The following SYT16 variants were observed in gnomAD, a reference collection of about 807,000 sequenced individuals.
The protein encoded by SYT16 is synaptotagmin 16, also known as synaptotagmin-16.
SYT16 carries 42 observed loss-of-function variants against 61.4 expected under a neutral mutation model. The observed-to-expected ratio is 0.68, with a 90% CI of 0.53 to 0.89. The LOEUF is 0.89. Among genes scored for constraint, SYT16 ranks in the 40% least tolerant of loss-of-function variants. The probability of loss-of-function intolerance (pLI) is 0.00; values close to 1 mark genes in which losing one functional copy is unlikely to be tolerated. For missense variants in SYT16, 804 were observed against 807.3 expected (o/e 1.00, Z 0.05); for synonymous variants, 314 against 302.3 (o/e 1.04, Z -0.40).
intron 1 of SYT16, among the ~76,000 whole-genome samples, chr14:61,869,585 A>G (rs1230607421): frequency 2.6e-5 from 4 of 152,106 alleles, no homozygotes; most frequent in Non-Finnish European, 5.9e-5. Context: ...TTACTGCCAC[A>G]TATGTTATAC....
At chr14:61,988,258 T>G (rs2052402367) in intron 2 of SYT16, among the ~76,000 whole-genome samples, 1 of 152,196 alleles carries the variant, frequency 6.6e-6, no homozygotes, top group Non-Finnish European at 1.5e-5. Flanking sequence ...ATAGAATTCA[T>G]TCTTTTTTCA....
chr14:61,859,152 C>T (rs2046884890), intron 1 of SYT16, among the ~76,000 whole-genome samples: 1 of 152,078 alleles, frequency 6.6e-6, no homozygotes, highest in South Asian at 2.1e-4. Flanking sequence ...AGCCACCGCG[C>T]CCGGCCAGCC....
Position 61,851,217 on chromosome 14 carries a change from A to G in SYT16, c.-325+38407A>G, listed in dbSNP as rs1594757618. Reference sequence around the variant, plus strand: ...AGGATAGTGGCTTCCAAGTCCACCCATGTCCCTGCAAAGGATATGATCTTG... The same window carrying G: ...AGGATAGTGGCTTCCAAGTCCACCCGTGTCCCTGCAAAGGATATGATCTTG... On this transcript the variant is annotated intron_variant, in intron 1 of 7. Coordinates refer to ENST00000683842, the MANE Select transcript of SYT16 (RefSeq NM_001367656.1). 1.3e-5 allele frequency among the ~76,000 whole-genome samples: 2 copies of G among 152,314 alleles called. 1 individual carries two copies. Among genetic ancestry groups the G allele is most frequent in the South Asian group, 4.1e-4 (2 of 4,822 alleles).
intron 1 of SYT16, among the ~76,000 whole-genome samples, chr14:61,866,036 A>C (rs2047141968): frequency 6.6e-6 from 1 of 152,190 alleles, no homozygotes; most frequent in Non-Finnish European, 1.5e-5. Flanking sequence ...ACATGTTTAA[A>C]ATGTAAGTTG....
intron 1 of SYT16, among the ~76,000 whole-genome samples, chr14:61,853,545 G>A (rs1463159925): frequency 1.3e-5 from 2 of 152,080 alleles, no homozygotes; most frequent in Non-Finnish European, 2.9e-5. Context: ...TATCTTCTTT[G>A]TACCTTCTAC....
intron 1 of SYT16, among the ~76,000 whole-genome samples, chr14:61,965,710 A>G (rs1478081035): frequency 6.6e-6 from 1 of 152,122 alleles, no homozygotes; most frequent in Non-Finnish European, 1.5e-5. Flanking sequence ...AGGAAAAAAC[A>G]AATAGGGAAA....
chr14:61,840,771 G>A (rs1386278438), intron 1 of SYT16, among the ~76,000 whole-genome samples: 2 of 152,108 alleles, frequency 1.3e-5, no homozygotes, highest in Non-Finnish European at 1.5e-5. Context: ...TAGGTATTAA[G>A]GGAGATGAAG....
chr14:62,108,732 G>A lies in SYT16; in HGVS notation c.*8025G>A, dbSNP rs533162525. ...AACTTAATTTCAGTATAGATTTTAA[G>A]TTTGTGAATAAGAAATTAGTATTTG... is the stretch of plus-strand genomic sequence containing the variant. On this transcript the variant is annotated 3_prime_UTR_variant, in exon 8 of 8. Coordinates refer to ENST00000683842, the MANE Select transcript of SYT16 (RefSeq NM_001367656.1). The A allele has an allele frequency of 4.6e-5, 7 of 152,244 alleles. 1 individual carries two copies. The highest frequency in any genetic ancestry group is 1.7e-4 in the African/African-American group (7 of 41,546). The allele number at this position is 152,244 out of a possible 1,614,324, so 9.4% of individuals were successfully genotyped here. A position where few individuals can be genotyped will look rare whatever the true frequency, so the allele number is the denominator to read the frequency against.
At chr14:62,097,089 G>A (rs923389958) in intron 7 of SYT16, among the ~76,000 whole-genome samples, 4 of 152,012 alleles carry the variant, frequency 2.6e-5, no homozygotes, top group East Asian at 1.9e-4. Flanking sequence ...GTTTAACTAC[G>A]GGGTACCATG....
chr14:61,935,721 G>T (rs553158439), intron 1 of SYT16, among the ~76,000 whole-genome samples: 1 of 152,154 alleles, frequency 6.6e-6, no homozygotes, highest in African/African-American at 2.4e-5. Context: ...GCTCTAAGTC[G>T]GTAGAGTTAG....
At chr14:62,090,942 A>C (rs543842465) in intron 7 of SYT16, among the ~76,000 whole-genome samples, 2 of 152,130 alleles carry the variant, frequency 1.3e-5, no homozygotes, top group Non-Finnish European at 2.9e-5. Context: ...ATCTCATGAG[A>C]TTTATTCACT....
intron 3 of SYT16, among the ~76,000 whole-genome samples, chr14:62,027,270 C>T (rs1029317684): frequency 6.6e-6 from 1 of 152,170 alleles, no homozygotes; most frequent in African/African-American, 2.4e-5. Flanking sequence ...CATGTTATGT[C>T]TCTGATAGCC....
chr14:61,854,914 T>G (rs1238725121), intron 1 of SYT16, among the ~76,000 whole-genome samples: 1 of 152,086 alleles, frequency 6.6e-6, no homozygotes, highest in East Asian at 1.9e-4. Context: ...ACCCTGCCTC[T>G]ATATATAGAA....
chr14:61,842,408 TAAATG>T (rs1480807516), intron 1 of SYT16, among the ~76,000 whole-genome samples: 2 of 152,184 alleles, frequency 1.3e-5, no homozygotes, highest in African/African-American at 4.8e-5. Flanking sequence ...GTCCCACAAA[TAAATG>T]AGAGCATGCA....
chr14:61,867,864 G>A (rs535515774), intron 1 of SYT16, among the ~76,000 whole-genome samples: 1 of 152,020 alleles, frequency 6.6e-6, no homozygotes, highest in East Asian at 1.9e-4. Flanking sequence ...TGAAAGTTTT[G>A]ATCAAAAATA....
At chr14:61,902,858 G>C (rs1206353238) in intron 1 of SYT16, among the ~76,000 whole-genome samples, 1 of 152,186 alleles carries the variant, frequency 6.6e-6, no homozygotes, top group African/African-American at 2.4e-5. Flanking sequence ...ATCAGATCTT[G>C]TGAGATTTAT....
At chr14:61,890,074 C>T (rs1298275287) in intron 1 of SYT16, among the ~76,000 whole-genome samples, 3 of 152,152 alleles carry the variant, frequency 2.0e-5, no homozygotes, top group African/African-American at 7.2e-5. Flanking sequence ...CACGAAGAGG[C>T]AGGATATTGC....
At chr14:62,018,129 T>A (rs2053766115) in intron 3 of SYT16, among the ~76,000 whole-genome samples, 1 of 152,072 alleles carries the variant, frequency 6.6e-6, no homozygotes, top group Admixed American at 6.6e-5. Context: ...TCCTTTGCTG[T>A]CAATAATTTC....
At chr14:62,072,287 C>T (rs944405534) in intron 4 of SYT16, among the ~76,000 whole-genome samples, 1 of 152,140 alleles carries the variant, frequency 6.6e-6, no homozygotes, top group Non-Finnish European at 1.5e-5. Context: ...GATGGTATAT[C>T]TGCCATGGTT....
Sources: allele counts gnomAD v4.1 joint callset (sites outside exome capture counted in the v4.1 genomes callset), GRCh38; gene constraint gnomAD v4.1.1; transcripts MANE v1.5; gene names NCBI Gene and HGNC (gene_info 2026-07-23, HGNC 2026-07-21).